COL12A1: variants seen among roughly 807,000 people sequenced by gnomAD.
COL12A1 encodes the protein collagen alpha-1(XII) chain.
A neutral mutation model predicts 349.7 loss-of-function variants in COL12A1; 114 were observed. The observed-to-expected ratio is 0.33, with a 90% confidence interval of 0.28 to 0.38. The LOEUF is 0.38. COL12A1 is among the 10% of genes least tolerant of loss of function. COL12A1 has a pLI of 1.00. For synonymous variants in COL12A1, 1,369 were observed against 1,329.0 expected (o/e 1.03, Z -0.66); for missense variants, 3,284 against 3,756.9 (o/e 0.87, Z 3.29).
chr6:75,195,225 T>C (rs1040710152), intron 2 of COL12A1, among the ~76,000 whole-genome samples: 1 of 152,136 alleles, frequency 6.6e-6, no homozygotes, highest in African/African-American at 2.4e-5. Context: ...AATAGAAACA[T>C]ATTTGGATAC....
chr6:75,171,311 T>C (rs531237060), intron 13 of COL12A1, among the ~76,000 whole-genome samples: 6 of 152,332 alleles, frequency 3.9e-5, no homozygotes, highest in South Asian at 4.1e-4. Flanking sequence ...TGTGATTCTA[T>C]TGCATACAGT....
Position 75,145,358 on chromosome 6 carries a change from G to T in COL12A1, c.4658C>A (p.Thr1553Asn). 1 of 1,613,346 alleles carries T rather than the reference G, an allele frequency of 6.2e-7. No individual in the cohort carries two copies. Among genetic ancestry groups the T allele is most frequent in the Middle Eastern group, 1.7e-4 (1 of 6,056 alleles). Residue 1553 changes from threonine (T) to asparagine (N), a missense_variant, in exon 25 of 66, where the codon ACT becomes AAT. Around this residue, in one of 2 missense-constraint regions of COL12A1, gnomAD observed 2,601 missense variants for 2,824.8 expected, o/e 0.92. Transcript: ENST00000322507. The stretch of plus-strand genomic sequence containing the variant: ...TTCCCGAACAGTGACAGGTTCACTA[G>T]TGAGGTCGTGCAGGACAGCCTGGAC... Reference protein sequence around the residue: ...VTVQAVLHDLTSEPVTVREVT... With the variant: ...VTVQAVLHDLNSEPVTVREVT...
chr6:75,165,018 A>G (rs578715), intron 14 of COL12A1, among the ~76,000 whole-genome samples: 3,411 of 152,290 alleles, frequency 0.022, 125 homozygotes, highest in African/African-American at 0.077. Flanking sequence ...GCGATCAATC[A>G]TTTATCAATC....
intron 8 of COL12A1, 40 bp from the exon 9 acceptor site, chr6:75,184,184 A>G (rs765011062): frequency 6.3e-7 from 1 of 1,580,406 alleles, no homozygotes; most frequent in Non-Finnish European, 8.6e-7. Context: ...TAACAGTGAG[A>G]TGTAACCTTA....
intron 43 of COL12A1, among the ~76,000 whole-genome samples, chr6:75,122,455 A>C (rs1202799280): frequency 6.6e-6 from 1 of 152,004 alleles, no homozygotes; most frequent in African/African-American, 2.4e-5. Context: ...GAGATGAAAA[A>C]TCTCTGCATC....
chr6:75,137,397 G>A (rs1395143801), intron 31 of COL12A1, 40 bp downstream of exon 31: 34 of 1,517,286 alleles, frequency 2.2e-5, no homozygotes, highest in Non-Finnish European at 2.8e-5. Flanking sequence ...AAGAGAAATG[G>A]TAGAATTAAT....
rs1480279658 is a variant in COL12A1 at position 75,138,975 on chromosome 6, A to G, written c.4958-14T>C. The stretch of plus-strand genomic sequence containing the variant: ...CTGGCACGGGTCCTATCATGAGAAA[A>G]GGCAAGCAGACTAAGTTTTTGAATG... On this transcript the variant is annotated splice_polypyrimidine_tract_variant and intron_variant, in intron 27 of 65. Transcript: ENST00000322507. The G allele has an allele frequency of 6.2e-7, 1 of 1,612,136 alleles. No homozygotes were observed. The highest frequency in any genetic ancestry group is 2.2e-5 in the East Asian group (1 of 44,880).
At position 75,189,577 on chromosome 6, in the gene COL12A1, T is replaced by C. The variant is rs541648868; in HGVS notation, c.633A>G (p.Pro211=). The C allele has an allele frequency of 8.1e-6, 13 of 1,612,964 alleles. No homozygotes were observed. The Admixed American group carries it at 1.2e-4, about 15-fold the overall frequency. Residue 211 remains proline, a synonymous_variant, in exon 6 of 66, where the codon CCA becomes CCG. Coordinates refer to ENST00000322507, the MANE Select transcript of COL12A1 (RefSeq NM_004370.6). ...DELLAAIKKI[P]YKGGNTMTGD... ...CTGTCATTGTGTTGCCACCTTTATA[T>C]GGAATTTTTTTTATTGCAGCAAGAA...
At chr6:75,114,329 TTAAATATGAAGGCCA>T (rs1256657077) in intron 49 of COL12A1, among the ~76,000 whole-genome samples, 14 of 151,908 alleles carry the variant, frequency 9.2e-5, no homozygotes, top group African/African-American at 3.4e-4. Flanking sequence ...AAAATCCATT[TTAAATATGAAGGCCA>T]TATACATGTG....
intron 59 of COL12A1, 117 bp from the exon 60 acceptor site, chr6:75,095,296 C>A: frequency 2.6e-6 from 2 of 771,236 alleles, no homozygotes. Flanking sequence ...ATTACACATT[C>A]AGGAAAAATA....
intron 35 of COL12A1, 97 bp downstream of exon 35, chr6:75,131,843 C>G: frequency 1.5e-6 from 2 of 1,313,750 alleles, no homozygotes; most frequent in Non-Finnish European, 2.1e-6. Flanking sequence ...TATACACTGG[C>G]ATGTTTGTGG....
intron 43 of COL12A1, 152 bp downstream of exon 43, chr6:75,123,178 C>A: frequency 1.3e-6 from 1 of 742,242 alleles, no homozygotes. Context: ...AAACAAATTA[C>A]TGGTTATCTT....
chr6:75,189,842 A>G (rs769164990), intron 5 of COL12A1, 27 bp from the exon 6 acceptor site: 1 of 1,602,576 alleles, frequency 6.2e-7, no homozygotes, highest in South Asian at 1.1e-5. Flanking sequence ...ATCTTTTTAA[A>G]TGATGCTTTA....
chr6:75,137,137 C>T (rs1422233040), intron 31 of COL12A1, among the ~76,000 whole-genome samples: 7 of 152,106 alleles, frequency 4.6e-5, no homozygotes, highest in Admixed American at 2.0e-4. Context: ...ATCTGGATAT[C>T]GTCATGGATA....
In COL12A1 at chr6:75,146,199, G is replaced by A; in HGVS notation, c.4463C>T (p.Thr1488Ile). The A allele has an allele frequency of 6.2e-7, 1 of 1,613,024 alleles. No homozygotes were observed. The highest frequency in any genetic ancestry group is 8.5e-7 in the Non-Finnish European group (1 of 1,179,536). The part of the protein sequence containing the change: ...VSLNIYDVGP[T>I]TMHVQWQPVG... Reference sequence around the variant, plus strand: ...AGGCTGCCACTGCACATGCATGGTGGTAGGGCCAACATCATAAATATTCAG... The same window carrying A: ...AGGCTGCCACTGCACATGCATGGTGATAGGGCCAACATCATAAATATTCAG... The change falls in exon 24 of 66, where the codon ACC (threonine) becomes ATC (isoleucine). Residue 1488 changes from threonine to isoleucine, a missense_variant. Around this residue, in one of 2 missense-constraint regions of COL12A1, gnomAD observed 2,601 missense variants for 2,824.8 expected, o/e 0.92. Transcript: ENST00000322507.
chr6:75,198,484 G>GTTATTATATATTACATATTA, intron 2 of COL12A1, among the ~76,000 whole-genome samples: 1 of 150,666 alleles, frequency 6.6e-6, no homozygotes, highest in Non-Finnish European at 1.5e-5. Context: ...ATGTAATATT[G>GTTATTATATATTACATATTA]TTATTACATA....
chr6:75,095,623 CAAAAAAAAAAAAAAA>C (rs58205028), intron 59 of COL12A1, among the ~76,000 whole-genome samples: 9 of 102,090 alleles, frequency 8.8e-5, no homozygotes, highest in African/African-American at 2.4e-4. Context: ...GACTCCGTCT[CAAAAAAAAAAAAAAA>C]AAAAAAAAAA....
At chr6:75,104,609 T>A (rs969426076) in intron 54 of COL12A1, among the ~76,000 whole-genome samples, 2 of 152,220 alleles carry the variant, frequency 1.3e-5, no homozygotes, top group East Asian at 3.9e-4. Context: ...GGGTTTCACA[T>A]TGATCAATGA....
intron 25 of COL12A1, among the ~76,000 whole-genome samples, chr6:75,143,719 C>T (rs1186391753): frequency 6.6e-6 from 1 of 152,094 alleles, no homozygotes; most frequent in Non-Finnish European, 1.5e-5. Context: ...ATGTACAGCT[C>T]ATGTTTCTTT....
Sources: allele counts gnomAD v4.1 joint callset (sites outside exome capture counted in the v4.1 genomes callset), GRCh38; gene constraint gnomAD v4.1.1; regional missense constraint gnomAD v4.1.1; transcripts MANE v1.5; gene names NCBI Gene and HGNC (gene_info 2026-07-23, HGNC 2026-07-21).